The following GTF2A1 variants were observed in gnomAD, a reference collection of about 807,000 sequenced individuals.
The protein encoded by GTF2A1 is transcription initiation factor IIA subunit 1.
A neutral mutation model predicts 54.1 loss-of-function variants in GTF2A1; 12 were observed. The observed-to-expected ratio is 0.22, with a 90% CI of 0.14 to 0.36. The LOEUF is 0.36. Among genes scored for constraint, GTF2A1 ranks in the 10% least tolerant of loss-of-function variants. The probability of loss-of-function intolerance (pLI) is 1.00; values close to 1 mark genes in which losing one functional copy is unlikely to be tolerated. For missense variants in GTF2A1, 335 were observed against 442.2 expected (o/e 0.76, Z 2.17); for synonymous variants, 145 against 152.0 (o/e 0.95, Z 0.34).
chr14:81,185,831 A>G (rs1872857946), intron 7 of GTF2A1, among the ~76,000 whole-genome samples: 1 of 152,196 alleles, frequency 6.6e-6, no homozygotes, highest in South Asian at 2.1e-4. Flanking sequence ...TAAGCTATGT[A>G]ATTTTTAAGT....
intron 2 of GTF2A1, 49 bp from the exon 3 acceptor site, chr14:81,204,153 A>G (rs1039701740): frequency 4.4e-6 from 5 of 1,142,262 alleles, no homozygotes; most frequent in African/African-American, 3.0e-5. Flanking sequence ...AACTCTGGAC[A>G]GATGAATACA....
intron 7 of GTF2A1, among the ~76,000 whole-genome samples, chr14:81,185,894 C>T (rs1892733614): frequency 1.3e-5 from 2 of 152,204 alleles, no homozygotes; most frequent in Non-Finnish European, 2.9e-5. Context: ...GACACAGTCT[C>T]GCTCTGTAGC....
chr14:81,215,927 G>A (rs1205040731), intron 2 of GTF2A1, among the ~76,000 whole-genome samples: 3 of 152,148 alleles, frequency 2.0e-5, no homozygotes, highest in Non-Finnish European at 4.4e-5. Context: ...CCCAGGGGTG[G>A]GAGGATGGTT....
rs1892993809 is a variant in GTF2A1 at position 81,196,358 on chromosome 14, C to T, written c.479-117G>A. 6 of 1,052,816 alleles carry T rather than the reference C, an allele frequency of 5.7e-6. No individual in the cohort carries two copies. In the East Asian group the frequency reaches 1.5e-4, roughly 26 times the overall value. The allele number at this position is 1,052,816 out of a possible 1,614,324, so 65.2% of individuals were successfully genotyped here. Reference sequence around the variant, plus strand: ...CACAAGAAATTATCAAGAAAACTAACAATTTTATTAAAGGTTGTCATTCAT... The same window carrying T: ...CACAAGAAATTATCAAGAAAACTAATAATTTTATTAAAGGTTGTCATTCAT... On this transcript the variant is annotated intron_variant, in intron 5 of 8. Coordinates refer to ENST00000553612, the MANE Select transcript of GTF2A1 (RefSeq NM_015859.4).
Position 81,220,654 on chromosome 14 carries a change from C to A in GTF2A1, c.-136G>T. 1.9e-6 allele frequency: 1 copy of A among 533,934 alleles called. No homozygotes were observed. Among genetic ancestry groups the A allele is most frequent in the Non-Finnish European group, 3.2e-6 (1 of 317,060 alleles). The allele number at this position is 533,934 out of a possible 1,614,324, so 33.1% of individuals were successfully genotyped here. A position where few individuals can be genotyped will look rare whatever the true frequency, so the allele number is the denominator to read the frequency against. ...TTGGGGAAAAAATTTTAAACAAAAT[C>A]AATCCTGAAGGAGTAGGGGAGAGCG... On this transcript the variant is annotated 5_prime_UTR_variant, in exon 1 of 9. Coordinates refer to ENST00000553612, the MANE Select transcript of GTF2A1 (RefSeq NM_015859.4).
intron 2 of GTF2A1, among the ~76,000 whole-genome samples, chr14:81,213,846 GTT>G (rs767098811): frequency 2.9e-5 from 4 of 136,422 alleles, no homozygotes; most frequent in Non-Finnish European, 3.2e-5. Context: ...GGGTTTTTCT[GTT>G]TTTTTTTTTT....
At chr14:81,203,575 C>A (rs1175351576) in intron 3 of GTF2A1, among the ~76,000 whole-genome samples, 1 of 152,090 alleles carries the variant, frequency 6.6e-6, no homozygotes, top group Non-Finnish European at 1.5e-5. Context: ...CTTAGGAAAT[C>A]CATCACTATA....
At chr14:81,204,189 G>T in intron 2 of GTF2A1, 85 bp from the exon 3 acceptor site, 1 of 924,052 alleles carries the variant, frequency 1.1e-6, no homozygotes, top group Non-Finnish European at 1.8e-6. Context: ...TCTTTATAAA[G>T]TTATTCCATT....
intron 2 of GTF2A1, among the ~76,000 whole-genome samples, chr14:81,209,333 G>A (rs776076382): frequency 5.8e-4 from 88 of 152,290 alleles, no homozygotes; most frequent in Non-Finnish European, 1.0e-3. Context: ...CAAGTAAGAA[G>A]AGCCTTTCAC....
At chr14:81,208,931 T>A (rs1421035221) in intron 2 of GTF2A1, among the ~76,000 whole-genome samples, 2 of 152,230 alleles carry the variant, frequency 1.3e-5, no homozygotes, top group Non-Finnish European at 2.9e-5. Context: ...AGTAACTAGC[T>A]TGCTTTTGAT....
chr14:81,215,179 C>A, intron 2 of GTF2A1, among the ~76,000 whole-genome samples: 1 of 152,284 alleles, frequency 6.6e-6, no homozygotes, highest in East Asian at 1.9e-4. Flanking sequence ...GAATATCAAA[C>A]AATCAAATTT....
At chr14:81,221,301 C>A (rs1390960313), upstream of GTF2A1, 1 of 152,296 alleles carries the variant, frequency 6.6e-6, no homozygotes, top group African/African-American at 2.4e-5. Context: ...TCCTGTCGCA[C>A]GTTTCCGCCT....
chr14:81,218,075 A>G (rs1474174832), intron 1 of GTF2A1, among the ~76,000 whole-genome samples: 2 of 146,170 alleles, frequency 1.4e-5, no homozygotes, highest in African/African-American at 2.6e-5. Context: ...CTGAATTACA[A>G]AAGTATCTCT....
rs1297920433 is a variant in GTF2A1 at position 81,209,869 on chromosome 14, C to A, written c.133-5765G>T. ...AAAAGACATTTCTATTTTGTACTTACCACACAAAGTCTACCATTTCTACCA... is the reference window on the plus strand; with the variant it reads ...AAAAGACATTTCTATTTTGTACTTAACACACAAAGTCTACCATTTCTACCA... On this transcript the variant is annotated intron_variant, in intron 2 of 8. Transcript: ENST00000553612. The A allele has an allele frequency of 3.3e-6, 4 of 1,230,320 alleles. No individual in the cohort carries two copies. The African/African-American group carries it at 4.6e-5, about 14-fold the overall frequency. The allele number at this position is 1,230,320 out of a possible 1,614,324, so 76.2% of individuals were successfully genotyped here.
intron 2 of GTF2A1, among the ~76,000 whole-genome samples, chr14:81,211,733 T>A (rs1424582657): frequency 6.6e-6 from 1 of 151,912 alleles, no homozygotes; most frequent in Non-Finnish European, 1.5e-5. Context: ...AGCTCCTGGA[T>A]AAAATATATT....
chr14:81,187,274 G>A (rs181558454), intron 7 of GTF2A1, among the ~76,000 whole-genome samples: 23 of 150,522 alleles, frequency 1.5e-4, no homozygotes, highest in South Asian at 6.3e-4. Flanking sequence ...AGAATGGCGG[G>A]AACCCAGAAG....
chr14:81,183,916 GCAGT>G (rs1187698223), intron 8 of GTF2A1, among the ~76,000 whole-genome samples: 1 of 152,058 alleles, frequency 6.6e-6, no homozygotes, highest in Non-Finnish European at 1.5e-5. Flanking sequence ...CTCATTTTGC[GCAGT>G]CAAAGAAAAC....
intron 2 of GTF2A1, among the ~76,000 whole-genome samples, chr14:81,213,418 A>G (rs1216381735): frequency 6.6e-6 from 1 of 152,218 alleles, no homozygotes; most frequent in Admixed American, 6.5e-5. Flanking sequence ...GTGAAAAGCG[A>G]GAGTAGATAA....
intron 8 of GTF2A1, among the ~76,000 whole-genome samples, chr14:81,183,971 C>T (rs1271046407): frequency 1.3e-5 from 2 of 152,134 alleles, no homozygotes; most frequent in Non-Finnish European, 2.9e-5. Flanking sequence ...AAGCCACCAC[C>T]CTCCTCCAAT....
Sources: allele counts gnomAD v4.1 joint callset (sites outside exome capture counted in the v4.1 genomes callset), GRCh38; gene constraint gnomAD v4.1.1; transcripts MANE v1.5; gene names NCBI Gene and HGNC (gene_info 2026-07-23, HGNC 2026-07-21).